NPRL3: variants seen among roughly 807,000 people sequenced by gnomAD.
NPRL3 encodes the protein NPR3 like, GATOR1 complex subunit.
NPRL3 carries 23 observed loss-of-function variants against 57.2 expected under a neutral mutation model. The observed-to-expected ratio is 0.40, with a 90% confidence interval of 0.29 to 0.57. NPRL3 has a LOEUF of 0.57. Ranked by LOEUF, NPRL3 falls within the 20% of genes least tolerant of loss-of-function variation. The pLI is 0.42. For missense variants in NPRL3, 691 were observed against 767.1 expected (o/e 0.90, Z 1.17); for synonymous variants, 333 against 321.1 (o/e 1.04, Z -0.39).
intron 3 of NPRL3, among the ~76,000 whole-genome samples, chr16:121,963 C>T (rs185979218): frequency 5.9e-4 from 90 of 151,954 alleles, no homozygotes; most frequent in African/African-American, 1.9e-3. Flanking sequence ...TTAGTAGAGA[C>T]GGGGTTTCAC....
chr16:132,770 C>T (rs1283984311), intron 2 of NPRL3, among the ~76,000 whole-genome samples: 6 of 150,670 alleles, frequency 4.0e-5, no homozygotes, highest in South Asian at 2.1e-4. Flanking sequence ...CCCGGATTCA[C>T]GCCATTCTCC....
intron 13 of NPRL3, among the ~76,000 whole-genome samples, chr16:88,472 G>C (rs1386421238): frequency 6.6e-6 from 1 of 151,870 alleles, no homozygotes; most frequent in Admixed American, 6.6e-5. Context: ...AGAAGAGTCC[G>C]AAAAATAGGC....
At chr16:96,011 G>A (rs1019426333) in intron 9 of NPRL3, among the ~76,000 whole-genome samples, 2 of 152,238 alleles carry the variant, frequency 1.3e-5, no homozygotes, top group Admixed American at 6.5e-5. Flanking sequence ...ACGCCCTGCT[G>A]ACCTGCAGCA....
intron 10 of NPRL3, 42 bp from the exon 11 acceptor site, chr16:92,767 C>T: frequency 6.2e-7 from 1 of 1,606,798 alleles, no homozygotes; most frequent in Non-Finnish European, 8.5e-7. Context: ...GCAGACCCCC[C>T]CACCGTGTTC....
intron 3 of NPRL3, among the ~76,000 whole-genome samples, chr16:126,793 C>A (rs767297722): frequency 6.6e-5 from 10 of 152,164 alleles, no homozygotes; most frequent in Admixed American, 6.5e-5. Flanking sequence ...GGACAATATC[C>A]ATTTTCTTTT....
At chr16:137,207 G>A (rs1045410243) in intron 2 of NPRL3, among the ~76,000 whole-genome samples, 1 of 152,166 alleles carries the variant, frequency 6.6e-6, no homozygotes, top group African/African-American at 2.4e-5. Flanking sequence ...GCGACAGAGT[G>A]AGACTCCGTC....
intron 3 of NPRL3, 24 bp downstream of exon 3, chr16:130,498 C>T: frequency 3.2e-6 from 5 of 1,547,094 alleles, no homozygotes; most frequent in East Asian, 2.4e-5. Context: ...ACGCCCCGCC[C>T]TGAAGTGGCC....
At position 86,861 on chromosome 16, in the gene NPRL3, G is replaced by A; in HGVS notation, c.1554C>T (p.His518=). 1 of 1,613,018 alleles carries A rather than the reference G, an allele frequency of 6.2e-7. No homozygotes were observed. The change falls in exon 14 of 14, where the codon CAC becomes CAT. Residue 518 remains histidine, a synonymous_variant. Transcript: ENST00000611875. ...EDLRMFARLL[H]YFRGRHHLEE... is the part of the protein sequence containing the mutation. ...CCAGGTGGTGGCGGCCGCGGAAGTA[G>A]TGAAGGAGCCTGGAAGGGATGGGTG...
intron 6 of NPRL3, 86 bp from the exon 7 acceptor site, chr16:110,692 C>CAT: frequency 3.8e-6 from 4 of 1,058,726 alleles, no homozygotes; most frequent in South Asian, 1.4e-5. Flanking sequence ...GGATTACAGG[C>CAT]GCCCGCCACC....
intron 2 of NPRL3, among the ~76,000 whole-genome samples, chr16:134,169 G>C (rs940674457): frequency 2.6e-5 from 4 of 152,016 alleles, no homozygotes; most frequent in African/African-American, 4.8e-5. Context: ...ACACAGGTTT[G>C]CCATGAACTT....
At chr16:127,996 T>TCTTC (rs1555445170) in intron 3 of NPRL3, among the ~76,000 whole-genome samples, 5 of 121,540 alleles carry the variant, frequency 4.1e-5, no homozygotes, top group South Asian at 2.4e-4. Flanking sequence ...ATCTTCTTCT[T>TCTTC]TTTTTTTTTT....
At chr16:115,799 C>T (rs537319946) in intron 5 of NPRL3, among the ~76,000 whole-genome samples, 6 of 152,154 alleles carry the variant, frequency 3.9e-5, no homozygotes, top group Non-Finnish European at 8.8e-5. Context: ...GTTGCTTTTA[C>T]CTGTCCGTAA....
chr16:117,247 C>A, intron 5 of NPRL3, 54 bp downstream of exon 5: 2 of 1,276,960 alleles, frequency 1.6e-6, no homozygotes, highest in Non-Finnish European at 2.2e-6. Flanking sequence ...AAAAAAAGAG[C>A]TGCTTCTCCA....
intron 3 of NPRL3, chr16:125,834 A>T (rs1324960509): frequency 6.6e-6 from 1 of 152,202 alleles, no homozygotes; most frequent in African/African-American, 2.4e-5. Context: ...TTTCTAACAC[A>T]TCAGTGTAGG....
intron 2 of NPRL3, among the ~76,000 whole-genome samples, chr16:137,324 G>C (rs2141993805): frequency 6.6e-6 from 1 of 152,338 alleles, no homozygotes; most frequent in Admixed American, 6.5e-5. Context: ...TGCAGCCAAG[G>C]GTGAGGTTGA....
intron 7 of NPRL3, among the ~76,000 whole-genome samples, chr16:109,467 C>A (rs1335164774): frequency 6.6e-6 from 1 of 152,196 alleles, no homozygotes; most frequent in African/African-American, 2.4e-5. Flanking sequence ...GTCAGTGACA[C>A]CCACCTAGTG....
intron 3 of NPRL3, among the ~76,000 whole-genome samples, chr16:128,796 G>A (rs1034359527): frequency 6.6e-6 from 1 of 152,080 alleles, no homozygotes; most frequent in African/African-American, 2.4e-5. Context: ...GACACAGAGA[G>A]TGGATTTGAT....
chr16:98,059 C>G, intron 9 of NPRL3, 86 bp downstream of exon 9: 1 of 1,508,822 alleles, frequency 6.6e-7, no homozygotes, highest in South Asian at 1.2e-5. Context: ...GACACAGCCC[C>G]TGTGGATGTA....
In NPRL3 at chr16:100,361, T is replaced by C; in HGVS notation, c.767+11A>G. The C allele has an allele frequency of 6.6e-7, 1 of 1,518,146 alleles. No homozygotes were observed. Among genetic ancestry groups the C allele is most frequent in the Non-Finnish European group, 8.8e-7 (1 of 1,130,586 alleles). The allele number at this position is 1,518,146 out of a possible 1,614,324, so 94.0% of individuals were successfully genotyped here. Reference sequence around the variant, plus strand: ...CTGGCAGGGAGTGAGCACGTGGGGCTGGGCACTTACCGGATGGCTTTCAGG... The same window carrying C: ...CTGGCAGGGAGTGAGCACGTGGGGCCGGGCACTTACCGGATGGCTTTCAGG... On this transcript the variant is annotated intron_variant, in intron 8 of 13. Transcript: ENST00000611875.
Sources: allele counts gnomAD v4.1 joint callset (sites outside exome capture counted in the v4.1 genomes callset), GRCh38; gene constraint gnomAD v4.1.1; transcripts MANE v1.5; gene names NCBI Gene and HGNC (gene_info 2026-07-23, HGNC 2026-07-21).